Variants in CSMD1 observed in about 807,000 individuals in gnomAD.
The protein encoded by CSMD1 is CUB and sushi domain-containing protein 1.
Under a neutral mutation model 417.5 loss-of-function variants are expected in CSMD1, and 213 were observed. That is an observed-to-expected ratio of 0.51 (90% CI 0.46 to 0.57). The LOEUF is 0.57. CSMD1 is among the 20% of genes least tolerant of loss of function. The probability of loss-of-function intolerance (pLI) is 0.00; values close to 1 mark genes in which losing one functional copy is unlikely to be tolerated. For synonymous variants in CSMD1, 2,862 were observed against 1,736.8 expected (o/e 1.65, Z -16.11); for missense variants, 6,923 against 4,529.7 (o/e 1.53, Z -15.17).
At chr8:4,743,209 G>A (rs369844003) in intron 1 of CSMD1, among the ~76,000 whole-genome samples, 2 of 152,134 alleles carry the variant, frequency 1.3e-5, no homozygotes, top group African/African-American at 4.8e-5. Flanking sequence ...ACTTTTGATA[G>A]AGGAGGTCAC....
At chr8:3,591,162 G>C (rs1174166696) in intron 8 of CSMD1, among the ~76,000 whole-genome samples, 1 of 152,138 alleles carries the variant, frequency 6.6e-6, no homozygotes, top group African/African-American at 2.4e-5. Context: ...TTTTGTGTAA[G>C]ATCAAGATAC....
chr8:3,471,666 C>CTCCCTTCTTCCTCTCTCCTTCCTTCCTT (rs1817112604), intron 11 of CSMD1, among the ~76,000 whole-genome samples: 1 of 137,356 alleles, frequency 7.3e-6, no homozygotes, highest in Non-Finnish European at 1.5e-5. Context: ...CTTCCTTTCC[C>CTCCCTTCTTCCTCTCTCCTTCCTTCCTT]TCCCTCCCTC....
chr8:4,306,020 C>A (rs1798222750), intron 3 of CSMD1, among the ~76,000 whole-genome samples: 1 of 152,168 alleles, frequency 6.6e-6, no homozygotes, highest in Non-Finnish European at 1.5e-5. Context: ...ATACTCGGTG[C>A]ATTTGCTGTA....
intron 5 of CSMD1, among the ~76,000 whole-genome samples, chr8:3,842,348 C>A (rs890719107): frequency 6.6e-6 from 1 of 152,036 alleles, no homozygotes; most frequent in South Asian, 2.1e-4. Context: ...TTTTAGATAC[C>A]CATATCAATA....
chr8:3,603,847 T>G (rs1020461029), intron 8 of CSMD1, among the ~76,000 whole-genome samples: 2 of 152,206 alleles, frequency 1.3e-5, no homozygotes, highest in Non-Finnish European at 2.9e-5. Context: ...TACTTTCTAC[T>G]TTTTCTTCTA....
chr8:3,250,246 T>G (rs561451683), intron 26 of CSMD1, among the ~76,000 whole-genome samples: 1 of 152,134 alleles, frequency 6.6e-6, no homozygotes, highest in Admixed American at 6.6e-5. Context: ...GTGTGATGTT[T>G]CCCTTCCTGT....
intron 1 of CSMD1, among the ~76,000 whole-genome samples, chr8:4,833,662 G>A (rs556409673): frequency 6.6e-6 from 1 of 152,212 alleles, no homozygotes; most frequent in Non-Finnish European, 1.5e-5. Flanking sequence ...ACACTACGTA[G>A]AGTGTTGCCT....
At chr8:3,218,764 C>T (rs961883599) in intron 29 of CSMD1, among the ~76,000 whole-genome samples, 3 of 151,422 alleles carry the variant, frequency 2.0e-5, no homozygotes, top group Admixed American at 6.6e-5. Context: ...TCCAGCTACT[C>T]GGGGGGCTGA....
chr8:4,094,716 C>T (rs973799779), intron 3 of CSMD1, among the ~76,000 whole-genome samples: 2 of 152,222 alleles, frequency 1.3e-5, no homozygotes, highest in Admixed American at 6.5e-5. Context: ...AGAGACAGGG[C>T]AGTGGGGAGC....
intron 2 of CSMD1, among the ~76,000 whole-genome samples, chr8:4,599,636 T>A (rs1440591185): frequency 6.6e-6 from 1 of 152,178 alleles, no homozygotes. Context: ...ATTTAATTAT[T>A]TTAGACATTT....
At chr8:3,293,789 C>T (rs1264563948) in intron 25 of CSMD1, among the ~76,000 whole-genome samples, 3 of 152,172 alleles carry the variant, frequency 2.0e-5, no homozygotes, top group South Asian at 2.1e-4. Context: ...TCCTGTAGCT[C>T]AGAGTAGTTT....
At chr8:4,398,063 G>C (rs563652677) in intron 3 of CSMD1, among the ~76,000 whole-genome samples, 2 of 152,148 alleles carry the variant, frequency 1.3e-5, no homozygotes, top group African/African-American at 4.8e-5. Context: ...ATATCAAATA[G>C]CTAGTATTAC....
At chr8:4,729,791 C>T (rs918617591) in intron 1 of CSMD1, among the ~76,000 whole-genome samples, 2 of 152,162 alleles carry the variant, frequency 1.3e-5, no homozygotes, top group Non-Finnish European at 2.9e-5. Context: ...TATGTATAAT[C>T]AATAATGAAA....
At chr8:4,185,147 A>AT (rs1798590019) in intron 3 of CSMD1, among the ~76,000 whole-genome samples, 1 of 150,542 alleles carries the variant, frequency 6.6e-6, no homozygotes, top group Non-Finnish European at 1.5e-5. Flanking sequence ...TCAAAAAAAA[A>AT]AAAAAAAAAA....
At chr8:4,912,868 C>T (rs1448950080) in intron 1 of CSMD1, among the ~76,000 whole-genome samples, 3 of 152,130 alleles carry the variant, frequency 2.0e-5, no homozygotes, top group Admixed American at 2.0e-4. Context: ...TTACTACAAC[C>T]TCCACCTCCT....
chr8:4,608,734 G>A (rs1196996448), intron 2 of CSMD1, among the ~76,000 whole-genome samples: 1 of 152,158 alleles, frequency 6.6e-6, no homozygotes, highest in African/African-American at 2.4e-5. Flanking sequence ...AGTCTGTGAC[G>A]ATGTGTTTTC....
At chr8:4,116,160 A>G (rs989773232) in intron 3 of CSMD1, among the ~76,000 whole-genome samples, 23 of 151,830 alleles carry the variant, frequency 1.5e-4, no homozygotes, top group Admixed American at 3.9e-4. Flanking sequence ...CACCCAGCTA[A>G]TTTTTGTATT....
intron 7 of CSMD1, among the ~76,000 whole-genome samples, chr8:3,663,662 C>T (rs1012064081): frequency 1.3e-5 from 2 of 152,084 alleles, no homozygotes; most frequent in African/African-American, 4.8e-5. Context: ...CAATCATTTG[C>T]CTCTTTTCTA....
intron 3 of CSMD1, among the ~76,000 whole-genome samples, chr8:4,201,713 G>A (rs1259151859): frequency 6.6e-6 from 1 of 151,990 alleles, no homozygotes; most frequent in East Asian, 1.9e-4. Context: ...TGAAGAGCTA[G>A]GAAAAATAGT....
Sources: gnomAD v4.1 joint callset for allele counts (sites outside exome capture counted in the v4.1 genomes callset) on GRCh38, gnomAD v4.1.1 for gene constraint, MANE v1.5 for transcripts, NCBI Gene and HGNC (gene_info 2026-07-23, HGNC 2026-07-21) for gene names.